The following EML6 variants were observed in gnomAD, a reference collection of about 807,000 sequenced individuals.
EML6 encodes the protein EMAP like 6.
A neutral mutation model predicts 240.1 loss-of-function variants in EML6; 154 were observed. The ratio of observed to expected loss-of-function variants is 0.64; its 90% CI spans 0.56 to 0.73. The LOEUF is 0.73. Among genes scored for constraint, EML6 ranks in the 30% least tolerant of loss-of-function variants. The pLI is 0.00. For missense variants in EML6, 2,964 were observed against 2,474.6 expected (o/e 1.20, Z -4.20); for synonymous variants, 1,148 against 899.0 (o/e 1.28, Z -4.95).
intron 4 of EML6, among the ~76,000 whole-genome samples, chr2:54,817,681 A>T (rs186029413): frequency 6.6e-6 from 1 of 152,312 alleles, no homozygotes; most frequent in African/African-American, 2.4e-5. Context: ...TATCTTAAGA[A>T]CGTTTACAAA....
chr2:54,753,902 C>A (rs938975426), intron 2 of EML6, among the ~76,000 whole-genome samples: 1 of 151,814 alleles, frequency 6.6e-6, no homozygotes, highest in African/African-American at 2.4e-5. Flanking sequence ...TTTGGGAGAC[C>A]AAGGCGGGTG....
At chr2:54,964,445 C>T (rs942871757) in intron 37 of EML6, 126 bp from the exon 38 acceptor site, 4 of 855,438 alleles carry the variant, frequency 4.7e-6, no homozygotes, top group Non-Finnish European at 7.2e-6. Context: ...AGGCTGACCA[C>T]ATGTGAGTCA....
chr2:54,867,062 A>G (rs1201012511), intron 14 of EML6, 178 bp downstream of exon 14: 45 of 458,044 alleles, frequency 9.8e-5, no homozygotes, highest in Middle Eastern at 5.7e-4. Flanking sequence ...CTCTCTATCC[A>G]CTTCCCTCGT....
At chr2:54,798,483 T>C (rs1669939705) in intron 2 of EML6, among the ~76,000 whole-genome samples, 1 of 152,182 alleles carries the variant, frequency 6.6e-6, no homozygotes, top group African/African-American at 2.4e-5. Flanking sequence ...ATTTTATAGT[T>C]TTTAATGTAA....
At chr2:54,930,596 T>TA (rs1015533586) in intron 28 of EML6, among the ~76,000 whole-genome samples, 4 of 152,188 alleles carry the variant, frequency 2.6e-5, no homozygotes, top group Non-Finnish European at 4.4e-5. Context: ...TACTGGCATT[T>TA]AAAAAAATTC....
chr2:54,741,079 G>GC (rs1422546510), intron 2 of EML6, among the ~76,000 whole-genome samples: 14 of 151,976 alleles, frequency 9.2e-5, no homozygotes, highest in African/African-American at 2.9e-4. Context: ...GACAGTGCAG[G>GC]CCACACGATC....
At chr2:54,778,341 A>G (rs1295523532) in intron 2 of EML6, among the ~76,000 whole-genome samples, 1 of 152,178 alleles carries the variant, frequency 6.6e-6, no homozygotes, top group East Asian at 1.9e-4. Flanking sequence ...ATAGAAAGAG[A>G]AGGAGGAAGA....
intron 2 of EML6, among the ~76,000 whole-genome samples, chr2:54,765,757 G>C (rs1315534320): frequency 6.6e-6 from 1 of 152,156 alleles, no homozygotes; most frequent in African/African-American, 2.4e-5. Flanking sequence ...ATTCTTTTTA[G>C]TTTAGTCCCT....
At chr2:54,731,432 G>C (rs950948208) in intron 2 of EML6, among the ~76,000 whole-genome samples, 5 of 152,110 alleles carry the variant, frequency 3.3e-5, no homozygotes, top group African/African-American at 1.2e-4. Context: ...TTGAGCCTGG[G>C]AGTTAAGGAC....
chr2:54,789,296 G>A (rs1326772036), intron 2 of EML6, among the ~76,000 whole-genome samples: 2 of 151,866 alleles, frequency 1.3e-5, no homozygotes, highest in East Asian at 1.9e-4. Flanking sequence ...GGCGGATCAC[G>A]AGGTCAGGAG....
chr2:54,963,673 T>C (rs373987335), intron 36 of EML6, among the ~76,000 whole-genome samples: 8 of 152,174 alleles, frequency 5.3e-5, no homozygotes, highest in Admixed American at 3.3e-4. Context: ...GAGGCTGTCT[T>C]GTGCTACAGT....
intron 11 of EML6, among the ~76,000 whole-genome samples, chr2:54,858,042 A>G (rs1319578504): frequency 6.6e-6 from 1 of 152,260 alleles, no homozygotes; most frequent in Non-Finnish European, 1.5e-5. Flanking sequence ...CTGGGAGTCA[A>G]GGAGTCCCAA....
chr2:54,778,252 G>GA (rs1374122355), intron 2 of EML6, among the ~76,000 whole-genome samples: 2 of 152,130 alleles, frequency 1.3e-5, no homozygotes, highest in Non-Finnish European at 2.9e-5. Context: ...GGCAAGTGAA[G>GA]GATTTGTATA....
intron 41 of EML6, among the ~76,000 whole-genome samples, 187 bp from the exon 42 acceptor site, chr2:54,969,884 A>G (rs868811774): frequency 2.6e-5 from 4 of 152,246 alleles, no homozygotes; most frequent in Non-Finnish European, 5.9e-5. Flanking sequence ...ACTGAAAAAA[A>G]CAGACCTTTT....
intron 28 of EML6, among the ~76,000 whole-genome samples, chr2:54,943,586 TGCTGACATGGGG>T (rs1475432097): frequency 5.9e-5 from 9 of 152,352 alleles, no homozygotes; most frequent in Admixed American, 5.2e-4. Flanking sequence ...CCTGCCATTC[TGCTGACATGGGG>T]GCTCTTTAAC....
intron 32 of EML6, among the ~76,000 whole-genome samples, chr2:54,955,132 G>A (rs1246833426): frequency 2.0e-5 from 3 of 152,170 alleles, no homozygotes; most frequent in Non-Finnish European, 4.4e-5. Flanking sequence ...ATGTTTCTAG[G>A]AAACCACATG....
intron 2 of EML6, among the ~76,000 whole-genome samples, chr2:54,730,115 G>A (rs369738406): frequency 6.6e-6 from 1 of 151,272 alleles, no homozygotes; most frequent in Admixed American, 6.6e-5. Context: ...CAGCCTGGGC[G>A]ACAAGAGTGA....
rs1315962543 is a variant in EML6, at chr2:54,725,015, C to A, written c.-47C>A. 2.9e-5 allele frequency: 42 copies of A among 1,425,206 alleles called. No homozygotes were observed. Among genetic ancestry groups the A allele is most frequent in the Non-Finnish European group, 3.9e-5 (42 of 1,089,430 alleles). 88.3% of individuals were successfully genotyped at this position (1,425,206 alleles called of 1,614,324 possible). A position where few individuals can be genotyped will look rare whatever the true frequency, so the allele number is the denominator to read the frequency against. On this transcript the variant is annotated 5_prime_UTR_variant, in exon 2 of 42. Transcript: ENST00000356458. This position sits in a 1 kb window ranked among gnomAD's most constrained non-coding sequence, Gnocchi z 4.3. ...GCCGCAGCCCCAGCCTCGGCGAGGA[C>A]GGCCCCGGCGCGCGGGGGGGCGGGG... is the stretch of plus-strand genomic sequence containing the variant.
At chr2:54,767,389 T>C (rs1335565948) in intron 2 of EML6, among the ~76,000 whole-genome samples, 1 of 152,188 alleles carries the variant, frequency 6.6e-6, no homozygotes, top group Non-Finnish European at 1.5e-5. Context: ...AAATAACATG[T>C]AAATAGATAT....
Sources: allele counts gnomAD v4.1 joint callset (sites outside exome capture counted in the v4.1 genomes callset), GRCh38; gene constraint gnomAD v4.1.1; non-coding constraint Gnocchi (gnomAD v3.1); transcripts MANE v1.5; gene names NCBI Gene and HGNC (gene_info 2026-07-23, HGNC 2026-07-21).